Variants in ROBO1 observed in about 807,000 individuals in gnomAD.
ROBO1 encodes the protein roundabout homolog 1.
ROBO1 carries 149 observed loss-of-function variants against 195.9 expected under a neutral mutation model. That is an observed-to-expected ratio of 0.76 (90% confidence interval 0.67 to 0.87). The LOEUF (loss-of-function observed/expected upper bound fraction) is 0.87. Among genes scored for constraint, ROBO1 ranks in the 40% least tolerant of loss-of-function variants. The probability of loss-of-function intolerance (pLI) is 0.00; values close to 1 mark genes in which losing one functional copy is unlikely to be tolerated. For missense variants in ROBO1, 1,933 were observed against 2,068.3 expected, an observed-to-expected ratio of 0.93 and a Z score of 1.27; for synonymous variants, 816 against 733.2, an observed-to-expected ratio of 1.11 and a Z score of -1.82.
At chr3:78,832,276 CCA>C (rs1328969404) in intron 4 of ROBO1, among the ~76,000 whole-genome samples, 3 of 152,278 alleles carry the variant, frequency 2.0e-5, no homozygotes, top group African/African-American at 4.8e-5. Flanking sequence ...CAACCTTTCT[CCA>C]CAGTCTCTTT....
intron 4 of ROBO1, among the ~76,000 whole-genome samples, chr3:78,836,308 A>C (rs1273617888): frequency 2.0e-5 from 3 of 151,978 alleles, no homozygotes; most frequent in South Asian, 2.1e-4. Context: ...GTCAGGAGAT[A>C]GAGACCATCC....
intron 4 of ROBO1, among the ~76,000 whole-genome samples, chr3:78,899,665 C>T (rs901000985): frequency 1.3e-5 from 2 of 152,090 alleles, no homozygotes; most frequent in African/African-American, 2.4e-5. Flanking sequence ...TATTAAACAT[C>T]GTTCTTTCAT....
chr3:79,317,524 GA>G (rs761495234), intron 2 of ROBO1, among the ~76,000 whole-genome samples: 11 of 151,800 alleles, frequency 7.2e-5, no homozygotes, highest in African/African-American at 2.2e-4. Context: ...AGGATAAAAT[GA>G]AAAAAAATAT....
chr3:78,698,794 T>C (rs767911316), intron 8 of ROBO1, among the ~76,000 whole-genome samples: 8 of 152,202 alleles, frequency 5.3e-5, no homozygotes, highest in Non-Finnish European at 1.0e-4. Context: ...ACAAAGTACC[T>C]TGCACAATGC....
chr3:78,642,192 A>G (rs113743436), intron 21 of ROBO1, among the ~76,000 whole-genome samples: 38 of 152,200 alleles, frequency 2.5e-4, no homozygotes, highest in Non-Finnish European at 4.7e-4. Flanking sequence ...ATATAATATA[A>G]TAAGTGGATA....
chr3:79,720,559 T>C (rs1702652300), intron 1 of ROBO1, among the ~76,000 whole-genome samples: 4 of 152,188 alleles, frequency 2.6e-5, no homozygotes, highest in African/African-American at 9.7e-5. Context: ...TTCCTAGCCA[T>C]AAATTACTGG....
rs1032758202 is a variant in ROBO1 at position 78,702,533 on chromosome 3, T to C, written c.1045+11864A>G. ...CTAACTCTGATAAAATAATTCCAAG[T>C]CTTAAAAGTATGTGAGGCTGTTAAA... On this transcript the variant is annotated intron_variant, in intron 8 of 30. Coordinates refer to ENST00000464233, the MANE Select transcript of ROBO1 (RefSeq NM_002941.4). Among the ~76,000 whole-genome samples the C allele has an allele frequency of 2.6e-5, 4 of 152,342 alleles. No individual in the cohort carries two copies. The East Asian group carries it at 5.8e-4, about 22-fold the overall frequency.
intron 3 of ROBO1, chr3:79,019,536 G>A (rs2078053563): frequency 2.0e-6 from 2 of 985,972 alleles, no homozygotes; most frequent in South Asian, 4.7e-5. Context: ...TACTTAAAGG[G>A]GCCGCGTGGT....
At chr3:79,473,726 T>G (rs180905070) in intron 2 of ROBO1, among the ~76,000 whole-genome samples, 67 of 152,306 alleles carry the variant, frequency 4.4e-4, no homozygotes, top group African/African-American at 1.5e-3. Flanking sequence ...TAATTTTCAA[T>G]TATTTTAAGA....
intron 2 of ROBO1, among the ~76,000 whole-genome samples, chr3:79,149,443 G>A (rs1314364195): frequency 6.6e-6 from 1 of 151,528 alleles, no homozygotes; most frequent in Non-Finnish European, 1.5e-5. Context: ...TATATTCCTG[G>A]TCTAATAATT....
At chr3:79,201,823 T>A (rs2081770433) in intron 2 of ROBO1, among the ~76,000 whole-genome samples, 1 of 151,346 alleles carries the variant, frequency 6.6e-6, no homozygotes, top group African/African-American at 2.4e-5. Flanking sequence ...TACTAGGTAT[T>A]ATTGTTGTAG....
At chr3:79,335,842 C>A (rs1576991454) in intron 2 of ROBO1, among the ~76,000 whole-genome samples, 1 of 152,100 alleles carries the variant, frequency 6.6e-6, no homozygotes, top group African/African-American at 2.4e-5. Flanking sequence ...TTTGGTACTT[C>A]CTAGAGACTT....
intron 2 of ROBO1, among the ~76,000 whole-genome samples, chr3:79,293,875 G>A (rs1479059412): frequency 6.6e-5 from 10 of 151,100 alleles, no homozygotes; most frequent in Admixed American, 1.3e-4. Context: ...TGGCTAACAC[G>A]GTGAAACCCC....
chr3:78,831,865 A>G (rs1239630000), intron 4 of ROBO1, among the ~76,000 whole-genome samples: 3 of 152,156 alleles, frequency 2.0e-5, no homozygotes, highest in Admixed American at 2.0e-4. Context: ...ATTTTGTGAA[A>G]TGTATTCACT....
At chr3:79,197,045 C>T (rs1288731215) in intron 2 of ROBO1, among the ~76,000 whole-genome samples, 3 of 151,276 alleles carry the variant, frequency 2.0e-5, no homozygotes, top group African/African-American at 2.4e-5. Flanking sequence ...AAATATATAC[C>T]TATCTTGTTT....
chr3:78,738,427 T>A (rs556501743), intron 5 of ROBO1, among the ~76,000 whole-genome samples: 1 of 152,316 alleles, frequency 6.6e-6, no homozygotes, highest in South Asian at 2.1e-4. Flanking sequence ...TTTTACTGCA[T>A]AACTAAATTG....
intron 2 of ROBO1, among the ~76,000 whole-genome samples, chr3:79,519,628 C>CAAAAAAAAAAAAA (rs71631657): frequency 2.0e-4 from 13 of 64,634 alleles, no homozygotes; most frequent in East Asian, 4.9e-4. Flanking sequence ...GACTCCTGCT[C>CAAAAAAAAAAAAA]AAAAAAAAAA....
chr3:78,977,717 T>C (rs2076912005), intron 3 of ROBO1, among the ~76,000 whole-genome samples: 1 of 151,894 alleles, frequency 6.6e-6, no homozygotes, highest in Non-Finnish European at 1.5e-5. Flanking sequence ...TAGAAATATA[T>C]ACCACAATGT....
chr3:78,908,801 T>C lies in ROBO1; in HGVS notation c.499+29800A>G, dbSNP rs138932221. 3.7e-3 allele frequency among the ~76,000 whole-genome samples: 566 copies of C among 152,008 alleles called. 3 individuals carry two copies. The highest frequency in any genetic ancestry group is 0.02 in the Middle Eastern group (6 of 294). On this transcript the variant is annotated intron_variant, in intron 4 of 30. Coordinates refer to ENST00000464233, the MANE Select transcript of ROBO1 (RefSeq NM_002941.4). ...CATTAATCTGTACTCTGGAGATTCC[T>C]AGAAACCTTTCTAATAGTTTAGTCT...
Sources: allele counts gnomAD v4.1 joint callset (sites outside exome capture counted in the v4.1 genomes callset), GRCh38; gene constraint gnomAD v4.1.1; transcripts MANE v1.5; gene names NCBI Gene and HGNC (gene_info 2026-07-23, HGNC 2026-07-21).